MLIP: variants seen among roughly 807,000 people sequenced by gnomAD.
MLIP encodes the protein muscular LMNA-interacting protein.
MLIP carries 79 observed loss-of-function variants against 84.8 expected under a neutral mutation model. That is an observed-to-expected ratio of 0.93 (90% CI 0.78 to 1.12). MLIP has a LOEUF of 1.12. Ranked by LOEUF, MLIP falls within the 50% of genes most tolerant of loss-of-function variation. The pLI is 0.00. For synonymous variants in MLIP, 504 were observed against 463.0 expected, an observed-to-expected ratio of 1.09 and a Z score of -1.14; for missense variants, 1,257 against 1,160.6, an observed-to-expected ratio of 1.08 and a Z score of -1.21.
upstream of MLIP, among the ~76,000 whole-genome samples, chr6:54,111,099 G>C (rs1380566818): frequency 6.6e-6 from 1 of 152,214 alleles, no homozygotes. Flanking sequence ...GCAGGTGCTA[G>C]CGCCCTTCAA....
Position 54,230,919 on chromosome 6 carries a change from TG to T in MLIP, c.2922+3del, listed in dbSNP as rs758727494. The T allele has an allele frequency of 5.0e-6, 8 of 1,613,720 alleles. No individual in the cohort carries two copies. In the East Asian group the frequency reaches 1.8e-4, roughly 36 times the overall value. On this transcript the variant is annotated splice_donor_region_variant and intron_variant, in intron 12 of 13. Coordinates refer to ENST00000502396, the MANE Select transcript of MLIP (RefSeq NM_001281747.2). ...CTCAGTCACAACGCATGCAACAAGG[TG>T]AGAACTCCTCCCCAAAATGAGGACT...
At chr6:54,025,828 C>G (rs1016014427) in intron 1 of MLIP, among the ~76,000 whole-genome samples, 2 of 152,180 alleles carry the variant, frequency 1.3e-5, no homozygotes, top group African/African-American at 4.8e-5. Flanking sequence ...AAGACTGCAG[C>G]TGCCCTCCCT....
At chr6:54,070,015 ATTTTTGTCACAGTGT>A (rs1766386756) in intron 1 of MLIP, among the ~76,000 whole-genome samples, 2 of 151,310 alleles carry the variant, frequency 1.3e-5, no homozygotes, top group Admixed American at 6.6e-5. Flanking sequence ...GGGTTTTAAA[ATTTTTGTCACAGTGT>A]GTCTGCTGTA....
rs147383191 is a variant in MLIP, at chr6:54,122,662, G to A, written c.252+1060G>A. On this transcript the variant is annotated intron_variant, in intron 2 of 13. Coordinates refer to ENST00000502396, the MANE Select transcript of MLIP (RefSeq NM_001281747.2). ...TTCTTTCAAAGACTAATGGGGCCAT[G>A]AATACTATATATGGCACTTCTAGAT... Among the ~76,000 whole-genome samples the A allele has an allele frequency of 5.7e-3, 867 of 152,204 alleles. 10 individuals carry two copies. The highest frequency in any genetic ancestry group is 0.02 in the African/African-American group (834 of 41,516).
At chr6:54,028,087 T>G (rs766843179) in intron 1 of MLIP, among the ~76,000 whole-genome samples, 1 of 152,226 alleles carries the variant, frequency 6.6e-6, no homozygotes, top group Non-Finnish European at 1.5e-5. Context: ...ATCATTTGCT[T>G]TATTTTGCTA....
intron 10 of MLIP, 100 bp from the exon 11 acceptor site, chr6:54,202,005 T>G: frequency 3.6e-6 from 3 of 831,732 alleles, no homozygotes; most frequent in Non-Finnish European, 5.0e-6. Flanking sequence ...AATATAATTT[T>G]CTGTGAGAAC....
Position 54,266,251 on chromosome 6 carries a change from C to A in MLIP, c.*296C>A. On this transcript the variant is annotated 3_prime_UTR_variant, in exon 14 of 14. Transcript: ENST00000502396. ...CTAACGTGCCCCTATATTTGGCAGCCAAATAAAGAAGAATCGTGGGTAAAT... is the reference window on the plus strand; with the variant it reads ...CTAACGTGCCCCTATATTTGGCAGCAAAATAAAGAAGAATCGTGGGTAAAT... 3.2e-6 allele frequency: 1 copy of A among 307,758 alleles called. No homozygotes were observed. Among genetic ancestry groups the A allele is most frequent in the Non-Finnish European group, 5.9e-6 (1 of 169,706 alleles). The allele number at this position is 307,758 out of a possible 1,614,324, so 19.1% of individuals were successfully genotyped here. A position where few individuals can be genotyped will look rare whatever the true frequency, so the allele number is the denominator to read the frequency against.
intron 2 of MLIP, 69 bp from the exon 3 acceptor site, chr6:54,124,404 T>C (rs9474741): frequency 3.5e-6 from 5 of 1,412,718 alleles, no homozygotes; most frequent in Non-Finnish European, 4.8e-6. Flanking sequence ...AGCTTTTCAG[T>C]GTACATGCCA....
At chr6:54,121,384 G>T in intron 1 of MLIP, 63 bp from the exon 2 acceptor site, 1 of 1,515,324 alleles carries the variant, frequency 6.6e-7, no homozygotes, top group Non-Finnish European at 9.1e-7. Flanking sequence ...ATGTCATATG[G>T]AGAATAAAGG....
rs191694969 is a variant in MLIP, at chr6:54,069,146, G to A, written c.63+50055G>A. On this transcript the variant is annotated intron_variant, in intron 1 of 12. Coordinates refer to the MLIP transcript ENST00000274897. ...TCCATGTGTTTTAAGAATCTGTGCT[G>A]TGTCTCCGTGTCTGCAATCCAGGGT... Among the ~76,000 whole-genome samples, 3 of 101,234 alleles carry A rather than the reference G, an allele frequency of 3.0e-5. 1 individual carries two copies. The highest frequency in any genetic ancestry group is 9.1e-5 in the Admixed American group (1 of 10,970). The allele number at this position is 101,234 out of a possible 152,430, so 66.4% of individuals were successfully genotyped here.
chr6:54,022,845 A>G (rs1053226399), intron 1 of MLIP, among the ~76,000 whole-genome samples: 1 of 152,160 alleles, frequency 6.6e-6, no homozygotes, highest in Non-Finnish European at 1.5e-5. Flanking sequence ...TTATCTTCTC[A>G]AATAATGAAT....
intron 5 of MLIP, among the ~76,000 whole-genome samples, chr6:54,159,717 C>T (rs944348922): frequency 1.3e-5 from 2 of 151,912 alleles, no homozygotes; most frequent in African/African-American, 4.8e-5. Context: ...AAAGAGAGTG[C>T]CAAAAGGATC....
intron 1 of MLIP, among the ~76,000 whole-genome samples, chr6:54,028,483 A>G (rs1479804645): frequency 6.6e-6 from 1 of 152,216 alleles, no homozygotes; most frequent in Non-Finnish European, 1.5e-5. Context: ...CTGAAGGAAG[A>G]AAATGTTAGC....
rs2048058143 is a variant in MLIP at position 54,067,040 on chromosome 6, G to A, written c.63+47949G>A. 2.0e-5 allele frequency among the ~76,000 whole-genome samples: 2 copies of A among 100,576 alleles called. 1 individual carries two copies. Among genetic ancestry groups the A allele is most frequent in the African/African-American group, 5.1e-5 (2 of 39,208 alleles). The allele number at this position is 100,576 out of a possible 152,430, so 66.0% of individuals were successfully genotyped here. On this transcript the variant is annotated intron_variant, in intron 1 of 12. Coordinates refer to the MLIP transcript ENST00000274897. Reference sequence around the variant, plus strand: ...GTTATTTCCAAACTAAATTATGTAAGCTTTTCTGCCTTTATCAGTTGCATT... The same window carrying A: ...GTTATTTCCAAACTAAATTATGTAAACTTTTCTGCCTTTATCAGTTGCATT...
intron 3 of MLIP, among the ~76,000 whole-genome samples, chr6:54,131,211 G>A (rs1173578242): frequency 1.3e-5 from 2 of 152,174 alleles, no homozygotes; most frequent in Non-Finnish European, 2.9e-5. Flanking sequence ...TCTGAGCCAT[G>A]TTCTTTGCTC....
intron 12 of MLIP, among the ~76,000 whole-genome samples, chr6:54,252,937 G>A (rs1782742372): frequency 6.6e-6 from 1 of 152,050 alleles, no homozygotes; most frequent in Non-Finnish European, 1.5e-5. Context: ...TAGGCATTCA[G>A]TTCATACTTC....
At chr6:54,117,308 A>G (rs1018772688) in intron 1 of MLIP, among the ~76,000 whole-genome samples, 14 of 142,100 alleles carry the variant, frequency 9.9e-5, no homozygotes, top group African/African-American at 3.4e-4. Context: ...TCTGCCTCCC[A>G]GGTTCATGCT....
At chr6:54,261,529 A>G in intron 13 of MLIP, 1 of 965,302 alleles carries the variant, frequency 1.0e-6, no homozygotes, top group Non-Finnish European at 1.2e-6. Flanking sequence ...TTTGATAAAC[A>G]TTTAATGGTT....
intron 1 of MLIP, chr6:54,083,713 A>G: frequency 7.3e-7 from 1 of 1,363,692 alleles, no homozygotes; most frequent in Non-Finnish European, 1.0e-6. Flanking sequence ...TGTATTTCTT[A>G]TTTCGTATTG....
Sources: allele counts gnomAD v4.1 joint callset (sites outside exome capture counted in the v4.1 genomes callset), GRCh38; gene constraint gnomAD v4.1.1; transcripts MANE v1.5; gene names NCBI Gene and HGNC (gene_info 2026-07-23, HGNC 2026-07-21).